The following HECW2 variants were observed in gnomAD, a reference collection of about 807,000 sequenced individuals.
HECW2 encodes E3 ubiquitin-protein ligase HECW2.
A neutral mutation model predicts 175.2 loss-of-function variants in HECW2; 61 were observed. That is an observed-to-expected ratio of 0.35 (90% CI 0.28 to 0.43). The LOEUF is 0.43. Among genes scored for constraint, HECW2 ranks in the 20% least tolerant of loss-of-function variants. The pLI is 1.00. For missense variants in HECW2, 1,524 were observed against 2,000.5 expected, an observed-to-expected ratio of 0.76 and a Z score of 4.54; for synonymous variants, 671 against 731.0, an observed-to-expected ratio of 0.92 and a Z score of 1.32.
rs1037742049 is a variant in HECW2, at chr2:196,565,835, A to C, written c.-36+27673T>G. On this transcript the variant is annotated intron_variant, in intron 1 of 28. Transcript: ENST00000644978. ...GTTTCATTATAGCTATCAATGACAA[A>C]TAATGTATAGTACATGCGAATAGTC... Among the ~76,000 whole-genome samples the C allele has an allele frequency of 2.6e-5, 4 of 152,314 alleles. No homozygotes were observed. The East Asian group carries it at 5.8e-4, about 22-fold the overall frequency.
chr2:196,305,200 G>A (rs1691214722), intron 13 of HECW2, among the ~76,000 whole-genome samples: 1 of 152,172 alleles, frequency 6.6e-6, no homozygotes, highest in African/African-American at 2.4e-5. Flanking sequence ...TGTATCCCTA[G>A]GTCTTAGCTC....
rs751270001 is a variant in HECW2 at position 196,222,319 on chromosome 2, T to C, written c.4038A>G (p.Leu1346=). The part of the protein sequence containing the change: ...LLRILCDLSD[L]EYLDEEFHQS... ...GATGGAACTCTTCATCAAGGTATTC[T>C]AGGTCACTCAGGTCACATAGACTAA... is the stretch of plus-strand genomic sequence containing the variant. Residue 1346 remains leucine (L), a synonymous_variant, in exon 24 of 29, where the codon CTA becomes CTG. Transcript: ENST00000644978. 1.2e-6 allele frequency: 2 copies of C among 1,613,726 alleles called. No homozygotes were observed. The highest frequency in any genetic ancestry group is 1.7e-5 in the Admixed American group (1 of 59,980).
intron 2 of HECW2, among the ~76,000 whole-genome samples, chr2:196,396,908 G>C (rs1010821082): frequency 6.6e-6 from 1 of 151,944 alleles, no homozygotes; most frequent in Non-Finnish European, 1.5e-5. Flanking sequence ...TCAGGAGATT[G>C]AGACCATCCT....
intron 2 of HECW2, among the ~76,000 whole-genome samples, chr2:196,393,964 T>C (rs1459943850): frequency 6.6e-6 from 1 of 152,196 alleles, no homozygotes; most frequent in Non-Finnish European, 1.5e-5. Flanking sequence ...CATGGAATAC[T>C]ATGCAGCCAT....
At chr2:196,282,356 G>T (rs932578619) in intron 14 of HECW2, among the ~76,000 whole-genome samples, 11 of 152,276 alleles carry the variant, frequency 7.2e-5, no homozygotes, top group African/African-American at 2.6e-4. Context: ...GTCAAACTCT[G>T]TAAAATATTT....
At chr2:196,285,107 C>G (rs1452561353) in intron 14 of HECW2, among the ~76,000 whole-genome samples, 1 of 152,142 alleles carries the variant, frequency 6.6e-6, no homozygotes. Flanking sequence ...TAGTTGGAGC[C>G]AAGTGGTATT....
At chr2:196,378,521 A>G (rs1458300607) in intron 2 of HECW2, among the ~76,000 whole-genome samples, 2 of 152,214 alleles carry the variant, frequency 1.3e-5, no homozygotes, top group Non-Finnish European at 2.9e-5. Flanking sequence ...GTTCATAGCA[A>G]TATTAAAATA....
chr2:196,317,625 C>A (rs950541343), intron 9 of HECW2, among the ~76,000 whole-genome samples: 5 of 151,888 alleles, frequency 3.3e-5, no homozygotes, highest in African/African-American at 9.7e-5. Flanking sequence ...CCATAACGGC[C>A]TCTGTCCTGG....
chr2:196,574,579 T>A (rs115048403), intron 1 of HECW2, among the ~76,000 whole-genome samples: 1 of 152,090 alleles, frequency 6.6e-6, no homozygotes, highest in Non-Finnish European at 1.5e-5. Flanking sequence ...TTGGAAGAAT[T>A]AATAACATTA....
chr2:196,456,201 T>C (rs1242427343), intron 1 of HECW2, among the ~76,000 whole-genome samples: 3 of 152,270 alleles, frequency 2.0e-5, no homozygotes, highest in South Asian at 4.1e-4. Flanking sequence ...AAGGACACTA[T>C]ATCAAAACTC....
intron 2 of HECW2, among the ~76,000 whole-genome samples, chr2:196,365,917 C>T (rs1693730592): frequency 1.3e-5 from 2 of 152,122 alleles, no homozygotes; most frequent in South Asian, 4.1e-4. Context: ...CACAGAAGAT[C>T]ACATAGCCAG....
chr2:196,337,869 T>C (rs745370459), intron 3 of HECW2, among the ~76,000 whole-genome samples: 4 of 152,138 alleles, frequency 2.6e-5, no homozygotes, highest in Non-Finnish European at 4.4e-5. Context: ...AGGTCCCTTC[T>C]GGACAGCTGA....
At chr2:196,330,356 C>T (rs1163779695) in intron 4 of HECW2, among the ~76,000 whole-genome samples, 1 of 152,126 alleles carries the variant, frequency 6.6e-6, no homozygotes, top group Admixed American at 6.5e-5. Flanking sequence ...GAAGAAAAAC[C>T]TTCATATTAC....
intron 17 of HECW2, among the ~76,000 whole-genome samples, chr2:196,270,344 G>A (rs116817884): frequency 0.013 from 1,994 of 152,306 alleles, 53 homozygotes; most frequent in African/African-American, 0.045. Flanking sequence ...GCTTGCCAGG[G>A]AAGGGGAACA....
intron 2 of HECW2, among the ~76,000 whole-genome samples, chr2:196,380,608 C>T (rs1042581474): frequency 1.3e-5 from 2 of 152,294 alleles, no homozygotes; most frequent in South Asian, 4.1e-4. Flanking sequence ...GCCAGGTTAA[C>T]GAAAGTCCTG....
intron 2 of HECW2, among the ~76,000 whole-genome samples, chr2:196,386,097 G>A (rs6746913): frequency 1 from 152,262 of 152,338 alleles, 76,093 homozygotes; most frequent in Non-Finnish European, 1. Flanking sequence ...CTCAATAACT[G>A]TTTACTGAGT....
At chr2:196,444,907 C>A (rs554806385) in intron 1 of HECW2, among the ~76,000 whole-genome samples, 1 of 152,202 alleles carries the variant, frequency 6.6e-6, no homozygotes, top group East Asian at 1.9e-4. Context: ...CCTGAATAAA[C>A]CAAAAGTTTC....
At chr2:196,444,143 C>T (rs1183782970) in intron 1 of HECW2, among the ~76,000 whole-genome samples, 1 of 152,198 alleles carries the variant, frequency 6.6e-6, no homozygotes, top group East Asian at 1.9e-4. Flanking sequence ...CCTTTGTAAC[C>T]TTAAGCGGAA....
rs556740511 is a variant in HECW2 at position 196,310,420 on chromosome 2, A to G, written c.2435-2335T>C. 1.8e-4 allele frequency among the ~76,000 whole-genome samples: 27 copies of G among 152,366 alleles called. No individual in the cohort carries two copies. The South Asian group carries it at 5.6e-3, about 32-fold the overall frequency. ...GGGCTGTTATGCTATTGGTTTATCC[A>G]TGAACTACATATCCACTTCTACCCA... On this transcript the variant is annotated intron_variant, in intron 10 of 28. Transcript: ENST00000644978.
Sources: allele counts gnomAD v4.1 joint callset (sites outside exome capture counted in the v4.1 genomes callset), GRCh38; gene constraint gnomAD v4.1.1; transcripts MANE v1.5; gene names NCBI Gene and HGNC (gene_info 2026-07-23, HGNC 2026-07-21).